MAP4K5: variants seen among roughly 807,000 people sequenced by gnomAD.
MAP4K5 encodes MAPK/ERK kinase kinase kinase 5.
In MAP4K5, 82 loss-of-function variants were observed where a neutral mutation model predicts 135.6. The observed-to-expected ratio is 0.60, with a 90% CI of 0.51 to 0.73. The LOEUF (loss-of-function observed/expected upper bound fraction) is 0.73, where lower values mean the gene tolerates loss of function less well. Ranked by LOEUF, MAP4K5 falls within the 30% of genes least tolerant of loss-of-function variation. The probability of loss-of-function intolerance (pLI) is 0.00; values close to 1 mark genes in which losing one functional copy is unlikely to be tolerated. For synonymous variants in MAP4K5, 347 were observed against 335.0 expected (o/e 1.04, Z -0.39); for missense variants, 907 against 1,010.9 (o/e 0.90, Z 1.39).
chr14:50,440,070 A>G lies in MAP4K5; in HGVS notation c.1648T>C (p.Phe550Leu). ...TACAGCCAAGTACACTTCCGTGGAAATAACTAAGAAAAAGAAGATAATTAA... is the reference window on the plus strand; with the variant it reads ...TACAGCCAAGTACACTTCCGTGGAAGTAACTAAGAAAAAGAAGATAATTAA... ...ELHEATMEQL[F>L]PRKCTWLYVI... The change falls in exon 23 of 33, where the codon TTT becomes CTT. Residue 550 changes from phenylalanine to leucine, a missense_variant. Transcript: ENST00000682126. 6.7e-7 allele frequency: 1 copy of G among 1,484,536 alleles called. No individual in the cohort carries two copies. Among genetic ancestry groups the G allele is most frequent in the Non-Finnish European group, 9.2e-7 (1 of 1,084,736 alleles). 92.0% of individuals were successfully genotyped at this position (1,484,536 alleles called of 1,614,324 possible).
intron 2 of MAP4K5, among the ~76,000 whole-genome samples, chr14:50,507,876 G>C (rs891351475): frequency 7.9e-5 from 12 of 152,284 alleles, no homozygotes; most frequent in African/African-American, 2.6e-4. Context: ...GCTTGGTGCA[G>C]AGCTGAGTTC....
intron 2 of MAP4K5, among the ~76,000 whole-genome samples, chr14:50,525,651 C>A (rs1034749517): frequency 2.6e-5 from 4 of 152,094 alleles, no homozygotes; most frequent in African/African-American, 9.7e-5. Flanking sequence ...GCCTGGGCAA[C>A]ATGGCGAAAC....
At chr14:50,492,242 T>C (rs1325676368) in intron 3 of MAP4K5, among the ~76,000 whole-genome samples, 1 of 152,048 alleles carries the variant, frequency 6.6e-6, no homozygotes, top group Non-Finnish European at 1.5e-5. Flanking sequence ...ATTTCCAAGA[T>C]ACAACACCAA....
At chr14:50,506,954 T>C (rs575887831) in intron 2 of MAP4K5, among the ~76,000 whole-genome samples, 1 of 152,288 alleles carries the variant, frequency 6.6e-6, no homozygotes, top group South Asian at 2.1e-4. Context: ...CCTTGGGTCA[T>C]AAAAGGCTAT....
At chr14:50,434,187 TC>T (rs2036037077) in intron 28 of MAP4K5, among the ~76,000 whole-genome samples, 1 of 152,204 alleles carries the variant, frequency 6.6e-6, no homozygotes, top group Non-Finnish European at 1.5e-5. Flanking sequence ...ATTAAAAATT[TC>T]CTTTGTTTAA....
At chr14:50,469,412 C>A (rs1243118671) in intron 9 of MAP4K5, among the ~76,000 whole-genome samples, 2 of 152,132 alleles carry the variant, frequency 1.3e-5, no homozygotes, top group Admixed American at 1.3e-4. Context: ...TTTGGGAAAT[C>A]AACCTCAGAA....
At chr14:50,494,931 A>G (rs1224905856) in intron 3 of MAP4K5, among the ~76,000 whole-genome samples, 3 of 152,166 alleles carry the variant, frequency 2.0e-5, no homozygotes, top group African/African-American at 7.2e-5. Flanking sequence ...CAAAACTTAA[A>G]ATGATTTAAA....
At chr14:50,502,597 G>A (rs1171537547) in intron 3 of MAP4K5, among the ~76,000 whole-genome samples, 1 of 151,782 alleles carries the variant, frequency 6.6e-6, no homozygotes, top group Non-Finnish European at 1.5e-5. Context: ...TTTTCTTCTT[G>A]ATAAAAATGA....
intron 3 of MAP4K5, among the ~76,000 whole-genome samples, chr14:50,490,130 A>AGTGTGTGTGTGTGTGT (rs34549753): frequency 5.8e-5 from 7 of 121,204 alleles, no homozygotes; most frequent in East Asian, 3.6e-4. Flanking sequence ...AGCGAGTGAG[A>AGTGTGTGTGTGTGTGT]GTGTGTGTGT....
At chr14:50,547,046 G>A (rs2038642562) in intron 1 of MAP4K5, among the ~76,000 whole-genome samples, 1 of 152,024 alleles carries the variant, frequency 6.6e-6, no homozygotes, top group Non-Finnish European at 1.5e-5. Context: ...GTTGAACAAA[G>A]AGAACACATG....
At chr14:50,448,414 TAAA>T (rs1251323809) in intron 15 of MAP4K5, among the ~76,000 whole-genome samples, 1 of 151,476 alleles carries the variant, frequency 6.6e-6, no homozygotes, top group Non-Finnish European at 1.5e-5. Flanking sequence ...AAAATATATT[TAAA>T]AAATAGTAAG....
At position 50,431,931 on chromosome 14, in the gene MAP4K5, T is replaced by C. The variant is rs1335025654; in HGVS notation, c.2164+2463A>G. ...CCTATGCATTGTCTCCCTTGAAAAC[T>C]GCACATTCAAACATAAACACAGAAT... On this transcript the variant is annotated intron_variant, in intron 28 of 32. Transcript: ENST00000682126. 3.9e-5 allele frequency among the ~76,000 whole-genome samples: 6 copies of C among 152,350 alleles called. No homozygotes were observed. The South Asian group carries it at 1.2e-3, about 32-fold the overall frequency.
intron 1 of MAP4K5, chr14:50,560,367 G>A: frequency 6.3e-7 from 1 of 1,579,524 alleles, no homozygotes; most frequent in Non-Finnish European, 8.6e-7. Flanking sequence ...CTGCTTCTGT[G>A]GAGACAGGGA....
chr14:50,512,992 T>C (rs1315715502), intron 2 of MAP4K5, among the ~76,000 whole-genome samples: 4 of 152,164 alleles, frequency 2.6e-5, no homozygotes, highest in Admixed American at 6.5e-5. Flanking sequence ...TTCATGTTAG[T>C]AGGGTTTTGG....
intron 13 of MAP4K5, 51 bp downstream of exon 13, chr14:50,462,614 G>C (rs979661371): frequency 7.1e-6 from 9 of 1,265,234 alleles, no homozygotes; most frequent in African/African-American, 1.5e-5. Context: ...CAAACTTTAA[G>C]GCCTTATAAA....
chr14:50,526,283 A>G (rs1175941677), intron 2 of MAP4K5, among the ~76,000 whole-genome samples: 1 of 152,106 alleles, frequency 6.6e-6, no homozygotes, highest in Non-Finnish European at 1.5e-5. Flanking sequence ...CCAAATTATG[A>G]CTGCTTACAT....
chr14:50,446,585 C>T (rs1257517505), intron 16 of MAP4K5, among the ~76,000 whole-genome samples: 1 of 152,184 alleles, frequency 6.6e-6, no homozygotes, highest in African/African-American at 2.4e-5. Context: ...GTTTGAGAAG[C>T]ACTTATCTAG....
intron 31 of MAP4K5, among the ~76,000 whole-genome samples, chr14:50,423,658 G>A (rs2035782085): frequency 6.6e-6 from 1 of 152,022 alleles, no homozygotes; most frequent in Non-Finnish European, 1.5e-5. Context: ...AGTCCTAGCT[G>A]CTCAGAAGGC....
At chr14:50,472,953 T>C (rs896466601) in intron 9 of MAP4K5, among the ~76,000 whole-genome samples, 5 of 152,200 alleles carry the variant, frequency 3.3e-5, no homozygotes, top group Non-Finnish European at 7.4e-5. Context: ...TGTTTATCAG[T>C]GGCTCATTCT....
Sources: allele counts gnomAD v4.1 joint callset (sites outside exome capture counted in the v4.1 genomes callset), GRCh38; gene constraint gnomAD v4.1.1; transcripts MANE v1.5; gene names NCBI Gene and HGNC (gene_info 2026-07-23, HGNC 2026-07-21).